CADM2: variants seen among roughly 807,000 people sequenced by gnomAD.
The protein encoded by CADM2 is cell adhesion molecule 2, also known as immunoglobulin superfamily member 4D.
In CADM2, 12 loss-of-function variants were observed where a neutral mutation model predicts 49.8. The ratio of observed to expected loss-of-function variants is 0.24; its 90% CI spans 0.15 to 0.39. The LOEUF is 0.39. Among genes scored for constraint, CADM2 ranks in the 10% least tolerant of loss-of-function variants. The pLI is 1.00. For missense variants in CADM2, 378 were observed against 492.3 expected (o/e 0.77, Z 2.20); for synonymous variants, 214 against 175.4 (o/e 1.22, Z -1.74).
chr3:85,736,410 T>G (rs1454238213), intron 2 of CADM2, among the ~76,000 whole-genome samples: 1 of 152,178 alleles, frequency 6.6e-6, no homozygotes, highest in African/African-American at 2.4e-5. Context: ...GCTAGGAAGA[T>G]TTCTTAGAGA....
chr3:85,318,202 T>C (rs984063144), intron 1 of CADM2, among the ~76,000 whole-genome samples: 12 of 149,340 alleles, frequency 8.0e-5, no homozygotes, highest in African/African-American at 3.0e-4. Context: ...GAAAAAAATA[T>C]ATATATAGTC....
chr3:85,734,538 C>CATAT (rs144007432), intron 2 of CADM2, among the ~76,000 whole-genome samples: 40 of 149,192 alleles, frequency 2.7e-4, no homozygotes, highest in Admixed American at 1.4e-3. Flanking sequence ...CACACACATA[C>CATAT]ATATATATAT....
intron 1 of CADM2, among the ~76,000 whole-genome samples, chr3:85,714,451 G>C (rs1296968038): frequency 6.6e-6 from 1 of 151,842 alleles, no homozygotes; most frequent in Non-Finnish European, 1.5e-5. Context: ...TTTTGAGATG[G>C]AGTCTCACTC....
chr3:85,828,015 C>T (rs1220930473), intron 3 of CADM2: 1 of 151,862 alleles, frequency 6.6e-6, no homozygotes, highest in Non-Finnish European at 1.5e-5. Context: ...ATGCCCAGTT[C>T]CAGAAGTGGT....
At chr3:86,014,520 G>A in intron 8 of CADM2, 1 of 1,565,798 alleles carries the variant, frequency 6.4e-7, no homozygotes, top group Non-Finnish European at 8.7e-7. Context: ...TGTTCACCAA[G>A]GTAACTTGGA....
At chr3:85,986,400 G>A (rs973719797) in intron 8 of CADM2, among the ~76,000 whole-genome samples, 1 of 151,536 alleles carries the variant, frequency 6.6e-6, no homozygotes, top group African/African-American at 2.4e-5. Context: ...AAATCCCAAA[G>A]TGTGCAAATC....
At position 85,863,318 on chromosome 3, in the gene CADM2, A is replaced by G. The variant is rs900547553; in HGVS notation, c.239-19973A>G. Among the ~76,000 whole-genome samples the G allele has an allele frequency of 2.0e-5, 3 of 152,132 alleles. No individual in the cohort carries two copies. The South Asian group carries it at 6.2e-4, about 31-fold the overall frequency. On this transcript the variant is annotated intron_variant, in intron 3 of 9. Coordinates refer to ENST00000383699, the MANE Select transcript of CADM2 (RefSeq NM_001167675.2). ...AAAATCATGTGGTTATTTAATTGCC[A>G]ATGTCATTGCATTGGGAGATAAGGC... is the stretch of plus-strand genomic sequence containing the variant.
intron 1 of CADM2, among the ~76,000 whole-genome samples, chr3:84,976,179 G>T (rs1255779091): frequency 6.6e-6 from 1 of 151,658 alleles, no homozygotes; most frequent in Non-Finnish European, 1.5e-5. Flanking sequence ...AATAAAGTGT[G>T]AACCAGATAA....
intron 1 of CADM2, among the ~76,000 whole-genome samples, chr3:85,138,475 A>C (rs1306343048): frequency 6.6e-6 from 1 of 152,178 alleles, no homozygotes; most frequent in African/African-American, 2.4e-5. Context: ...AACCAATCTA[A>C]TATTGGGCAA....
At chr3:85,185,206 A>G (rs2107712060) in intron 1 of CADM2, among the ~76,000 whole-genome samples, 1 of 152,178 alleles carries the variant, frequency 6.6e-6, no homozygotes, top group Admixed American at 6.5e-5. Flanking sequence ...ATCTGGAGAC[A>G]GTTCCCAGCA....
intron 1 of CADM2, among the ~76,000 whole-genome samples, chr3:85,347,620 CAT>C (rs1003483987): frequency 2.5e-4 from 25 of 99,512 alleles, no homozygotes; most frequent in African/African-American, 7.3e-4. Flanking sequence ...AATATATATA[CAT>C]ATATATAAAT....
intron 3 of CADM2, among the ~76,000 whole-genome samples, chr3:85,811,332 A>C (rs2072863619): frequency 6.6e-6 from 1 of 152,200 alleles, no homozygotes; most frequent in African/African-American, 2.4e-5. Flanking sequence ...GTAAACATAT[A>C]TTTTACTAAA....
chr3:85,912,934 C>A (rs1303556427), intron 6 of CADM2, among the ~76,000 whole-genome samples: 1 of 152,084 alleles, frequency 6.6e-6, no homozygotes, highest in Admixed American at 6.6e-5. Context: ...GGCTTCTCAG[C>A]TATGCTTTTA....
chr3:85,292,654 T>A (rs1480995375), intron 1 of CADM2, among the ~76,000 whole-genome samples: 1 of 151,088 alleles, frequency 6.6e-6, no homozygotes, highest in Non-Finnish European at 1.5e-5. Context: ...ACCGCTCAAC[T>A]ACATGGAAAC....
intron 1 of CADM2, among the ~76,000 whole-genome samples, chr3:85,015,354 T>G (rs1473865625): frequency 6.6e-6 from 1 of 152,162 alleles, no homozygotes; most frequent in Non-Finnish European, 1.5e-5. Flanking sequence ...GTTAAGAACT[T>G]GTGATTTAAT....
intron 2 of CADM2, among the ~76,000 whole-genome samples, chr3:85,734,854 A>T (rs2068068424): frequency 6.6e-6 from 1 of 150,588 alleles, no homozygotes; most frequent in Non-Finnish European, 1.5e-5. Context: ...AGTTTTAAAA[A>T]CTCTTAGTCA....
chr3:85,505,633 C>T (rs1036977409), intron 1 of CADM2, among the ~76,000 whole-genome samples: 3 of 152,106 alleles, frequency 2.0e-5, no homozygotes, highest in African/African-American at 7.2e-5. Context: ...GTCACAGAAC[C>T]TTTGTCATAA....
chr3:85,868,228 C>T (rs963042563), intron 3 of CADM2, among the ~76,000 whole-genome samples: 2 of 151,930 alleles, frequency 1.3e-5, no homozygotes, highest in Non-Finnish European at 2.9e-5. Context: ...ATTTTACATC[C>T]TTCTGTTCTA....
chr3:85,673,546 A>C (rs1183124087), intron 1 of CADM2, among the ~76,000 whole-genome samples: 1 of 151,548 alleles, frequency 6.6e-6, no homozygotes, highest in Non-Finnish European at 1.5e-5. Flanking sequence ...ATTTAAGGGG[A>C]AGTACCTAAA....
Sources: allele counts gnomAD v4.1 joint callset (sites outside exome capture counted in the v4.1 genomes callset), GRCh38; gene constraint gnomAD v4.1.1; transcripts MANE v1.5; gene names NCBI Gene and HGNC (gene_info 2026-07-23, HGNC 2026-07-21).